EPB41L4A: variants seen among roughly 807,000 people sequenced by gnomAD.
The protein encoded by EPB41L4A is erythrocyte membrane protein band 4.1 like 4A, also known as band 4.1-like protein 4A.
Under a neutral mutation model 108.6 loss-of-function variants are expected in EPB41L4A, and 100 were observed. That is an observed-to-expected ratio of 0.92 (90% CI 0.78 to 1.09). EPB41L4A has a LOEUF of 1.09. EPB41L4A is among the 50% of genes least tolerant of loss of function. EPB41L4A has a pLI of 0.00. For missense variants in EPB41L4A, 1,030 were observed against 842.7 expected (o/e 1.22, Z -2.75); for synonymous variants, 319 against 289.0 (o/e 1.10, Z -1.05).
chr5:112,278,738 T>C (rs887493041), intron 3 of EPB41L4A, among the ~76,000 whole-genome samples: 1 of 151,932 alleles, frequency 6.6e-6, no homozygotes, highest in Non-Finnish European at 1.5e-5. Flanking sequence ...ACTTTTCCTA[T>C]AAAAGAAACC....
At chr5:112,178,916 CAGAT>C (rs1355709322) in intron 18 of EPB41L4A, among the ~76,000 whole-genome samples, 1 of 150,914 alleles carries the variant, frequency 6.6e-6, no homozygotes. Flanking sequence ...AAACAGACAA[CAGAT>C]AGCAAAGAAA....
Position 112,168,985 on chromosome 5 carries a change from G to A in EPB41L4A, c.1850+10C>T. ...TGATGGTGATGGTGTACTCTGGCCT[G>A]CCCACTTACTTCACTTCCGAGAGAA... is the stretch of plus-strand genomic sequence containing the variant. On this transcript the variant is annotated intron_variant, in intron 21 of 22. Coordinates refer to ENST00000261486, the MANE Select transcript of EPB41L4A (RefSeq NM_022140.5). 1 of 1,595,480 alleles carries A rather than the reference G, an allele frequency of 6.3e-7. No individual in the cohort carries two copies. The highest frequency in any genetic ancestry group is 1.1e-5 in the South Asian group (1 of 90,686).
rs1181267156 is a variant in EPB41L4A, at chr5:112,203,224, C to T, written c.1376+1151G>A. 3.9e-5 allele frequency among the ~76,000 whole-genome samples: 6 copies of T among 152,088 alleles called. No homozygotes were observed. The East Asian group carries it at 5.8e-4, about 15-fold the overall frequency. On this transcript the variant is annotated intron_variant, in intron 15 of 22. Coordinates refer to ENST00000261486, the MANE Select transcript of EPB41L4A (RefSeq NM_022140.5). ...TAAAAAAATTAGCCGGGCCTGATGG[C>T]GCATGCCTGTAATCCCAGCTACTCA... is the stretch of plus-strand genomic sequence containing the variant.
intron 1 of EPB41L4A, among the ~76,000 whole-genome samples, chr5:112,417,009 T>C (rs1289364226): frequency 6.6e-6 from 1 of 152,258 alleles, no homozygotes; most frequent in African/African-American, 2.4e-5. Context: ...TGGCATGCTT[T>C]TGTGACAAGG....
intron 18 of EPB41L4A, 22 bp from the exon 19 acceptor site, chr5:112,171,014 T>C (rs536670910): frequency 1.2e-6 from 2 of 1,605,516 alleles, no homozygotes; most frequent in Non-Finnish European, 1.7e-6. Context: ...GAAAACAACA[T>C]TCATCTCTGC....
chr5:112,154,887 A>G (rs1245609033), intron 12 of EPB41L4A, among the ~76,000 whole-genome samples: 1 of 152,198 alleles, frequency 6.6e-6, no homozygotes, highest in Admixed American at 6.5e-5. Context: ...CTGAAAGAAA[A>G]GCAGAGATTT....
chr5:112,344,445 T>C (rs539795183), intron 1 of EPB41L4A, among the ~76,000 whole-genome samples: 2 of 152,388 alleles, frequency 1.3e-5, no homozygotes, highest in African/African-American at 4.8e-5. Flanking sequence ...GACTGGTTTA[T>C]AGTGTTTGTT....
In EPB41L4A at chr5:112,313,577, C is replaced by T. The variant is rs184691165; in HGVS notation, c.100-6087G>A. ...TTGCACTGCAGCCTGGGCGACAGAG[C>T]GAGATTCCATCTCAAAAAACAAAAA... is the stretch of plus-strand genomic sequence containing the variant. On this transcript the variant is annotated intron_variant, in intron 1 of 22. Transcript: ENST00000261486. Among the ~76,000 whole-genome samples the T allele has an allele frequency of 2.4e-3, 364 of 152,194 alleles. 3 individuals are homozygous for T. The highest frequency in any genetic ancestry group is 8.2e-3 in the African/African-American group (340 of 41,524).
At chr5:112,296,267 A>C (rs1753978231) in intron 2 of EPB41L4A, among the ~76,000 whole-genome samples, 1 of 152,168 alleles carries the variant, frequency 6.6e-6, no homozygotes, top group African/African-American at 2.4e-5. Context: ...TTTATTTAAT[A>C]TTGCATTAAA....
At chr5:112,157,307 G>A (rs2112824325) in intron 12 of EPB41L4A, among the ~76,000 whole-genome samples, 1 of 152,262 alleles carries the variant, frequency 6.6e-6, no homozygotes, top group Middle Eastern at 3.4e-3. Context: ...AAAATGAAAT[G>A]TGCACAAGTT....
intron 1 of EPB41L4A, among the ~76,000 whole-genome samples, chr5:112,340,570 T>A (rs1757246743): frequency 1.3e-5 from 2 of 152,230 alleles, no homozygotes; most frequent in South Asian, 4.1e-4. Context: ...TTTCTAGTTC[T>A]CATATAAAGA....
At chr5:112,384,673 CTT>C (rs1760384144) in intron 1 of EPB41L4A, among the ~76,000 whole-genome samples, 1 of 145,966 alleles carries the variant, frequency 6.9e-6, no homozygotes, top group Admixed American at 6.9e-5. Context: ...ATGCTTGAAG[CTT>C]CTTTTGAGGA....
chr5:112,386,724 G>A (rs1227111909), intron 1 of EPB41L4A, among the ~76,000 whole-genome samples: 1 of 152,094 alleles, frequency 6.6e-6, no homozygotes, highest in Admixed American at 6.5e-5. Context: ...CAAAATTTAG[G>A]TTACAGATTC....
chr5:112,318,117 G>A (rs1420720145), intron 1 of EPB41L4A, among the ~76,000 whole-genome samples: 1 of 152,072 alleles, frequency 6.6e-6, no homozygotes, highest in Non-Finnish European at 1.5e-5. Flanking sequence ...CAGGTCACAG[G>A]GCTGGCTAAC....
intron 17 of EPB41L4A, among the ~76,000 whole-genome samples, chr5:112,186,542 T>C (rs1761435730): frequency 6.6e-6 from 1 of 152,220 alleles, no homozygotes; most frequent in African/African-American, 2.4e-5. Flanking sequence ...AGTGAAACCC[T>C]GTCAGTTAAT....
At chr5:112,201,902 C>A (rs1389954681) in intron 15 of EPB41L4A, among the ~76,000 whole-genome samples, 1 of 152,176 alleles carries the variant, frequency 6.6e-6, no homozygotes, top group Non-Finnish European at 1.5e-5. Flanking sequence ...CATCATCTCC[C>A]TGAGCCTCAG....
At chr5:112,202,197 C>G (rs1322986157) in intron 15 of EPB41L4A, among the ~76,000 whole-genome samples, 1 of 152,154 alleles carries the variant, frequency 6.6e-6, no homozygotes, top group Admixed American at 6.5e-5. Flanking sequence ...GTGGTGGTAT[C>G]TCCAGCAGTG....
intron 12 of EPB41L4A, among the ~76,000 whole-genome samples, chr5:112,211,751 A>G (rs1762756131): frequency 6.6e-6 from 1 of 152,228 alleles, no homozygotes; most frequent in South Asian, 2.1e-4. Context: ...ACCCATCAGG[A>G]AAGATAAACA....
chr5:112,281,665 C>G (rs1752976658), intron 2 of EPB41L4A, among the ~76,000 whole-genome samples: 1 of 152,250 alleles, frequency 6.6e-6, no homozygotes, highest in Non-Finnish European at 1.5e-5. Context: ...AGCACTCATG[C>G]GCTGGCGCAG....
Sources: gnomAD v4.1 joint callset for allele counts (sites outside exome capture counted in the v4.1 genomes callset) on GRCh38, gnomAD v4.1.1 for gene constraint, MANE v1.5 for transcripts, NCBI Gene and HGNC (gene_info 2026-07-23, HGNC 2026-07-21) for gene names.